Variants in FLYWCH1 observed in about 807,000 individuals in gnomAD.
FLYWCH1 encodes FLYWCH-type zinc finger-containing protein 1.
In FLYWCH1, 75 loss-of-function variants were observed where a neutral mutation model predicts 66.4. The ratio of observed to expected loss-of-function variants is 1.13; its 90% confidence interval spans 0.94 to 1.37. The LOEUF is 1.37. Ranked by LOEUF, FLYWCH1 falls within the 40% of genes most tolerant of loss-of-function variation. FLYWCH1 has a pLI of 0.00. For missense variants in FLYWCH1, 1,334 were observed against 1,001.8 expected (o/e 1.33, Z -4.48); for synonymous variants, 595 against 429.9 (o/e 1.38, Z -4.75).
At chr16:2,919,232 T>C (rs1189614115) in intron 2 of FLYWCH1, among the ~76,000 whole-genome samples, 1 of 151,720 alleles carries the variant, frequency 6.6e-6, no homozygotes, top group African/African-American at 2.4e-5. Context: ...CTCTGATATA[T>C]GCGTGTATAT....
chr16:2,935,691 C>G (rs113047684), intron 6 of FLYWCH1: 2 of 152,044 alleles, frequency 1.3e-5, no homozygotes, highest in African/African-American at 4.8e-5. Context: ...ACGTCCCTGC[C>G]GCTTTTGCGT....
At chr16:2,934,254 C>T (rs1012835946) in intron 6 of FLYWCH1, among the ~76,000 whole-genome samples, 3 of 152,180 alleles carry the variant, frequency 2.0e-5, no homozygotes, top group Non-Finnish European at 2.9e-5. Context: ...TCCTCTTCCT[C>T]CGTTTGTCTT....
At position 2,933,852 on chromosome 16, in the gene FLYWCH1, C is replaced by T. The variant is rs767922805; in HGVS notation, c.1386C>T (p.Ser462=). 5.6e-6 allele frequency: 9 copies of T among 1,606,932 alleles called. No individual in the cohort carries two copies. The highest frequency in any genetic ancestry group is 1.7e-4 in the Middle Eastern group (1 of 5,718). ...ACCAGGCCCGCATGGGCTGCCGCAG[C>T]CGCGCCATCACCCAGGGCCGACGGG... ...CRDQARMGCR[S]RAITQGRRVT... The change falls in exon 6 of 10, where the codon AGC becomes AGT. Residue 462 remains serine, a synonymous_variant. Transcript: ENST00000253928.
chr16:2,932,296 A>T (rs2070792603), intron 4 of FLYWCH1, among the ~76,000 whole-genome samples: 2 of 138,876 alleles, frequency 1.4e-5, no homozygotes, highest in Non-Finnish European at 3.1e-5. Flanking sequence ...AAAAAAAAAA[A>T]GATGGCTGGT....
At chr16:2,922,654 C>T (rs770618447) in intron 2 of FLYWCH1, 31 of 435,910 alleles carry the variant, frequency 7.1e-5, no homozygotes, top group African/African-American at 1.4e-4. Flanking sequence ...CAGCCGGACT[C>T]GGTTTACATG....
At chr16:2,929,543 C>G (rs1268494307) in intron 2 of FLYWCH1, 70 bp from the exon 3 acceptor site, 2 of 1,116,656 alleles carry the variant, frequency 1.8e-6, no homozygotes, top group Non-Finnish European at 2.5e-6. Flanking sequence ...TGCCCCACCT[C>G]CCTCCCAGAT....
In FLYWCH1 at chr16:2,948,914, G is replaced by C; in HGVS notation, c.*187G>C. 1.7e-6 allele frequency: 1 copy of C among 587,942 alleles called. No homozygotes were observed. Among genetic ancestry groups the C allele is most frequent in the East Asian group, 2.9e-5 (1 of 34,316 alleles). 36.4% of individuals were successfully genotyped at this position (587,942 alleles called of 1,614,324 possible). On this transcript the variant is annotated 3_prime_UTR_variant, in exon 10 of 10. Coordinates refer to ENST00000253928, the MANE Select transcript of FLYWCH1 (RefSeq NM_001308068.2). ...TCTTGGATGGTGTCCTCATGTCGGC[G>C]GAGAACAGTGCTCAGAGCTGGCGCT...
chr16:2,939,725 A>G lies in FLYWCH1; in HGVS notation c.2051-307A>G, dbSNP rs1007714042. On this transcript the variant is annotated intron_variant, in intron 8 of 9. Coordinates refer to ENST00000253928, the MANE Select transcript of FLYWCH1 (RefSeq NM_001308068.2). ...TACAAGAAATTTTTTTGAGAAAAGG[A>G]TTTCTTTGAGAAAGCCACTATCGAG... 4 of 294,432 alleles carry G rather than the reference A, an allele frequency of 1.4e-5. No individual in the cohort carries two copies. In the Admixed American group the frequency reaches 2.0e-4, roughly 15 times the overall value. 18.2% of individuals were successfully genotyped at this position (294,432 alleles called of 1,614,324 possible).
chr16:2,939,319 C>CCTGTAATCCCAGCTACG (rs942056512), intron 8 of FLYWCH1, among the ~76,000 whole-genome samples: 105 of 152,292 alleles, frequency 6.9e-4, no homozygotes, highest in Middle Eastern at 6.8e-3. Flanking sequence ...GTGACGCATG[C>CCTGTAATCCCAGCTACG]CTGTAATCCC....
chr16:2,925,193 G>C (rs1225540989), intron 2 of FLYWCH1, among the ~76,000 whole-genome samples: 1 of 152,226 alleles, frequency 6.6e-6, no homozygotes, highest in East Asian at 1.9e-4. Flanking sequence ...TGGCTGGGAG[G>C]GAGGCCGGGA....
rs771995061 is a variant in FLYWCH1, at chr16:2,938,279, G to C, written c.1873G>C (p.Glu625Gln). 9.3e-6 allele frequency: 15 copies of C among 1,612,788 alleles called. No individual in the cohort carries two copies. The highest frequency in any genetic ancestry group is 3.3e-5 in the Admixed American group (2 of 59,860). The part of the protein sequence containing the change: ...FLYRKEKAAG[E>Q]KVYWMCRDQA... ...CTACAGGAAGGAGAAGGCGGCTGGG[G>C]AGAAGGTGTACTGGATGTGCCGGGA... Residue 625 changes from glutamate (E) to glutamine (Q), a missense_variant, in exon 8 of 10, where the codon GAG becomes CAG. Physicochemically the swap from Glu to Gln is conservative, Grantham distance 29. Coordinates refer to ENST00000253928, the MANE Select transcript of FLYWCH1 (RefSeq NM_001308068.2).
intron 4 of FLYWCH1, among the ~76,000 whole-genome samples, chr16:2,932,708 T>G (rs1476084096): frequency 6.6e-6 from 1 of 152,122 alleles, no homozygotes; most frequent in Non-Finnish European, 1.5e-5. Flanking sequence ...GGTAGATTTG[T>G]TAAACAAAAC....
At chr16:2,919,876 G>T (rs1335755004) in intron 2 of FLYWCH1, among the ~76,000 whole-genome samples, 1 of 152,110 alleles carries the variant, frequency 6.6e-6, no homozygotes, top group Non-Finnish European at 1.5e-5. Flanking sequence ...TGCTGCTGAG[G>T]ATTTAAATTT....
chr16:2,925,948 G>A (rs983883595), intron 2 of FLYWCH1, among the ~76,000 whole-genome samples: 1 of 152,188 alleles, frequency 6.6e-6, no homozygotes, highest in African/African-American at 2.4e-5. Context: ...ATGTGAGGTG[G>A]GGGTGAGGAC....
chr16:2,939,746 T>C, intron 8 of FLYWCH1: 1 of 341,190 alleles, frequency 2.9e-6, no homozygotes, highest in South Asian at 3.8e-5. Context: ...AAAGCCACTA[T>C]CGAGCTTACA....
chr16:2,938,772 C>T (rs1176651679), intron 8 of FLYWCH1, among the ~76,000 whole-genome samples: 2 of 150,986 alleles, frequency 1.3e-5, no homozygotes, highest in Non-Finnish European at 2.9e-5. Flanking sequence ...GCCACCAAGC[C>T]CAGCTAATTT....
At position 2,948,710 on chromosome 16, in the gene FLYWCH1, G is replaced by C. The variant is rs1173220453; in HGVS notation, c.2134G>C (p.Asp712His). Residue 712 changes from aspartate to histidine, a missense_variant, in exon 10 of 10, where the codon GAT (aspartate) becomes CAT (histidine). Transcript: ENST00000253928. ...TAGGGACATCAAAGACGTCAGACTG[G>C]ATGGCGAGTCCCAGTGAGGCGATGT... ...IYGDIKDVRL[D>H]GESQ The C allele has an allele frequency of 6.2e-7, 1 of 1,613,930 alleles. No individual in the cohort carries two copies. Among genetic ancestry groups the C allele is most frequent in the African/African-American group, 1.3e-5 (1 of 75,054 alleles).
intron 1 of FLYWCH1, chr16:2,912,953 G>A (rs545905066): frequency 6.6e-6 from 1 of 152,198 alleles, no homozygotes; most frequent in Non-Finnish European, 1.5e-5. Flanking sequence ...TCCAGGGCTT[G>A]ATCTAGATTT....
chr16:2,916,356 C>T (rs1012884239), intron 2 of FLYWCH1, among the ~76,000 whole-genome samples: 1 of 149,056 alleles, frequency 6.7e-6, no homozygotes, highest in Admixed American at 6.7e-5. Flanking sequence ...AAAATACAGG[C>T]CGGGTGTGGT....
Sources: allele counts gnomAD v4.1 joint callset (sites outside exome capture counted in the v4.1 genomes callset), GRCh38; gene constraint gnomAD v4.1.1; transcripts MANE v1.5; gene names NCBI Gene and HGNC (gene_info 2026-07-23, HGNC 2026-07-21).